EPHX3: variants seen among roughly 807,000 people sequenced by gnomAD.
EPHX3 encodes epoxide hydrolase 3.
Under a neutral mutation model 40.2 loss-of-function variants are expected in EPHX3, and 39 were observed. The observed-to-expected ratio is 0.97, with a 90% CI of 0.75 to 1.27. EPHX3 has a LOEUF of 1.27. Among genes scored for constraint, EPHX3 ranks in the 50% most tolerant of loss-of-function variants. The pLI is 0.00. For synonymous variants in EPHX3, 213 were observed against 209.7 expected (o/e 1.02, Z -0.14); for missense variants, 442 against 474.0 (o/e 0.93, Z 0.63).
rs1688892858 is a variant in EPHX3, at chr19:15,227,374, C to T, written c.*63G>A. 1 of 1,373,112 alleles carries T rather than the reference C, an allele frequency of 7.3e-7. No individual in the cohort carries two copies. The highest frequency in any genetic ancestry group is 1.2e-5 in the South Asian group (1 of 85,298). 85.1% of individuals were successfully genotyped at this position (1,373,112 alleles called of 1,614,324 possible). Reference sequence around the variant, plus strand: ...CATTGTATGGACTCCCAGGCACACACAGATAATGGGTGTGTGTTCCTTCCT... The same window carrying T: ...CATTGTATGGACTCCCAGGCACACATAGATAATGGGTGTGTGTTCCTTCCT... On this transcript the variant is annotated 3_prime_UTR_variant, in exon 7 of 7. Coordinates refer to ENST00000221730, the MANE Select transcript of EPHX3 (RefSeq NM_024794.3).
chr19:15,232,442 C>T lies in EPHX3; in HGVS notation c.-231G>A. The T allele has an allele frequency of 7.4e-7, 1 of 1,346,464 alleles. No homozygotes were observed. The highest frequency in any genetic ancestry group is 9.5e-7 in the Non-Finnish European group (1 of 1,056,378). The allele number at this position is 1,346,464 out of a possible 1,614,324, so 83.4% of individuals were successfully genotyped here. ...ACCTGGGCGCGACAGGGACAGGAAA[C>T]AAGGGTAGGGTGCGGAGGCTGGGGA... is the stretch of plus-strand genomic sequence containing the variant. On this transcript the variant is annotated 5_prime_UTR_variant, in exon 1 of 7. Transcript: ENST00000221730.
chr19:15,236,820 G>A (rs1470123029), upstream of EPHX3: 2 of 181,074 alleles, frequency 1.1e-5, no homozygotes, highest in African/African-American at 4.7e-5. Context: ...ACAAAGAAAT[G>A]TCAGGGAGAC....
chr19:15,233,018 G>A (rs1216453830), upstream of EPHX3: 1 of 151,416 alleles, frequency 6.6e-6, no homozygotes, highest in Non-Finnish European at 1.5e-5. Context: ...CCAAAAAGGA[G>A]AAAGAGTTGG....
upstream of EPHX3, chr19:15,236,917 G>A (rs1305495949): frequency 9.8e-6 from 2 of 204,378 alleles, no homozygotes; most frequent in African/African-American, 2.3e-5. Context: ...AAACCAGTCA[G>A]TGACTCCAGA....
At chr19:15,231,887 C>T (rs1243326521) in intron 1 of EPHX3, 26 bp from the exon 2 acceptor site, 3 of 1,613,426 alleles carry the variant, frequency 1.9e-6, no homozygotes, top group South Asian at 1.1e-5. Context: ...AGCCTGAAGC[C>T]TGGGGAACCC....
Position 15,227,808 on chromosome 19 carries a change from G to A in EPHX3, c.820C>T (p.Leu274Phe), listed in dbSNP as rs758334920. The A allele has an allele frequency of 3.1e-6, 5 of 1,614,064 alleles. No homozygotes were observed. The South Asian group carries it at 5.5e-5, about 18-fold the overall frequency. ...CGGTAGTAGTTGAGGGGCCCAGTGA[G>A]GCCACCAGGCTGTGAGAAGTTATAA... ...FLYNFSQPGG[L>F]TGPLNYYRNL... Residue 274 changes from leucine (L) to phenylalanine (F), a missense_variant, in exon 6 of 7, where the codon CTC becomes TTC. Transcript: ENST00000221730.
At chr19:15,230,753 G>T (rs368335891) in intron 4 of EPHX3, among the ~76,000 whole-genome samples, 1 of 150,326 alleles carries the variant, frequency 6.7e-6, no homozygotes, top group Admixed American at 6.7e-5. Flanking sequence ...TCAGCCTCCC[G>T]GAGGGCTGGG....
intron 4 of EPHX3, among the ~76,000 whole-genome samples, chr19:15,230,658 T>A (rs2047147102): frequency 6.6e-6 from 1 of 151,252 alleles, no homozygotes; most frequent in South Asian, 2.1e-4. Context: ...ATTACATTTT[T>A]TTTTTTTTTT....
chr19:15,231,781 C>A lies in EPHX3; in HGVS notation c.324G>T (p.Glu108Asp). The A allele has an allele frequency of 6.2e-7, 1 of 1,613,952 alleles. No individual in the cohort carries two copies. Among genetic ancestry groups the A allele is most frequent in the Non-Finnish European group, 8.5e-7 (1 of 1,180,024 alleles). The change falls in exon 2 of 7, where the codon GAG (glutamate) becomes GAT (aspartate). Residue 108 changes from glutamate (E) to aspartate (D), a missense_variant. By Grantham distance (45) the Glu-to-Asp change is conservative (BLOSUM62 2). Coordinates refer to ENST00000221730, the MANE Select transcript of EPHX3 (RefSeq NM_024794.3). Reference sequence around the variant, plus strand: ...GCCCCTGGCCCCAGACGTACCAGTTCTCAGGGAAGCCGTGCAGAAACAGCA... The same window carrying A: ...GCCCCTGGCCCCAGACGTACCAGTTATCAGGGAAGCCGTGCAGAAACAGCA... ...PLMLFLHGFP[E>D]NWFSWRYQLR...
chr19:15,228,165 C>G (rs1390257378), intron 4 of EPHX3, 65 bp from the exon 5 acceptor site: 4 of 1,261,786 alleles, frequency 3.2e-6, no homozygotes, highest in East Asian at 2.5e-5. Flanking sequence ...TACACCTGCA[C>G]CCCTACACAT....
At chr19:15,228,144 G>T in intron 4 of EPHX3, 44 bp from the exon 5 acceptor site, 1 of 1,496,512 alleles carries the variant, frequency 6.7e-7, no homozygotes. Flanking sequence ...CCTGCTCCTG[G>T]GGTGGCCCCA....
Position 15,227,755 on chromosome 19 carries a change from T to A in EPHX3, c.857+16A>T. ...CCTGCAAATCTCCTGAGCTTATGCT[T>A]GGCAACTGGTCTCACCTGAAGAGGT... On this transcript the variant is annotated intron_variant, in intron 6 of 6. Transcript: ENST00000221730. 1 of 1,613,188 alleles carries A rather than the reference T, an allele frequency of 6.2e-7. No homozygotes were observed. Among genetic ancestry groups the A allele is most frequent in the South Asian group, 1.1e-5 (1 of 91,018 alleles).
chr19:15,228,172 A>G, intron 4 of EPHX3, 72 bp from the exon 5 acceptor site: 4 of 1,212,632 alleles, frequency 3.3e-6, no homozygotes, highest in Non-Finnish European at 4.7e-6. Flanking sequence ...GCACCCCTAC[A>G]CATACCCAGG....
upstream of EPHX3, among the ~76,000 whole-genome samples, chr19:15,235,079 G>T (rs146598699): frequency 6.6e-6 from 1 of 151,302 alleles, no homozygotes; most frequent in Non-Finnish European, 1.5e-5. Flanking sequence ...TCGGCTCACC[G>T]CAACCTCCGC....
chr19:15,231,332 G>A lies in EPHX3; in HGVS notation c.394C>T (p.Arg132Ter), dbSNP rs755821131. Residue 132 changes from arginine (R) to a stop codon, truncating the protein, a stop_gained, in exon 3 of 7, where the codon CGA (arginine) becomes TGA (stop). Transcript: ENST00000221730. LOFTEE classifies it high-confidence loss of function. ...GGTGCATCCGAGGGGCCATAGCCTC[G>A]CAAGTCCACAGCCACAACATGGAAG... is the stretch of plus-strand genomic sequence containing the variant. Reference protein sequence around the residue: ...SRFHVVAVDLRGYGPSDAPRD... With the variant: ...SRFHVVAVDL The A allele has an allele frequency of 3.1e-6, 5 of 1,613,924 alleles. No individual in the cohort carries two copies. Among genetic ancestry groups the A allele is most frequent in the Admixed American group, 1.7e-5 (1 of 60,018 alleles).
chr19:15,231,891 G>C, intron 1 of EPHX3, 30 bp from the exon 2 acceptor site: 1 of 1,613,370 alleles, frequency 6.2e-7, no homozygotes, highest in South Asian at 1.1e-5. Context: ...TGAAGCCTGG[G>C]GAACCCTCTC....
chr19:15,233,225 G>A (rs1294577440), upstream of EPHX3: 3 of 152,422 alleles, frequency 2.0e-5, no homozygotes, highest in Admixed American at 2.0e-4. Context: ...GGTCAGGAGG[G>A]TCTGGAAGAC....
chr19:15,231,683 CG>C, intron 2 of EPHX3, 92 bp downstream of exon 2: 1 of 1,336,534 alleles, frequency 7.5e-7, no homozygotes, highest in Non-Finnish European at 1.1e-6. Flanking sequence ...CAGCTTGTCC[CG>C]ATCTATACAG....
Position 15,227,432 on chromosome 19 carries a change from G to C in EPHX3, c.*5C>G. On this transcript the variant is annotated 3_prime_UTR_variant, in exon 7 of 7. Coordinates refer to ENST00000221730, the MANE Select transcript of EPHX3 (RefSeq NM_024794.3). ...CATGCCTCCTGGGCAGGCCAGCAAGGACCACTAGTCCAGCAGGTCTTGCAA... is the reference window on the plus strand; with the variant it reads ...CATGCCTCCTGGGCAGGCCAGCAAGCACCACTAGTCCAGCAGGTCTTGCAA... 1.2e-6 allele frequency: 2 copies of C among 1,612,676 alleles called. No individual in the cohort carries two copies. Among genetic ancestry groups the C allele is most frequent in the Non-Finnish European group, 1.7e-6 (2 of 1,178,830 alleles).
Sources: gnomAD v4.1 joint callset for allele counts (sites outside exome capture counted in the v4.1 genomes callset) on GRCh38, gnomAD v4.1.1 for gene constraint, MANE v1.5 for transcripts, NCBI Gene and HGNC (gene_info 2026-07-23, HGNC 2026-07-21) for gene names.